Variants in MEIKIN observed in about 807,000 individuals in gnomAD.
The protein encoded by MEIKIN is meiosis-specific kinetochore protein.
intron 8 of MEIKIN, among the ~76,000 whole-genome samples, chr5:131,905,842 G>C (rs921684995): frequency 6.6e-6 from 1 of 152,016 alleles, no homozygotes; most frequent in Non-Finnish European, 1.5e-5. Context: ...ACTGAAACTG[G>C]AGATCCCTTC....
At position 131,914,203 on chromosome 5, in the gene MEIKIN, T is replaced by A. The variant is rs575727994; in HGVS notation, c.639-2324A>T. Among the ~76,000 whole-genome samples the A allele has an allele frequency of 1.8e-4, 28 of 151,920 alleles. No individual in the cohort carries two copies. In the South Asian group the frequency reaches 5.6e-3, roughly 30 times the overall value. ...CTAACTGCAGCCTTGGCCTTAGAATTCTTAGCCTCCATAACTGTAAGAAAT... is the reference window on the plus strand; with the variant it reads ...CTAACTGCAGCCTTGGCCTTAGAATACTTAGCCTCCATAACTGTAAGAAAT... On this transcript the variant is annotated intron_variant, in intron 7 of 12. Transcript: ENST00000442687.
At chr5:131,852,380 C>T (rs544147185) in intron 10 of MEIKIN, among the ~76,000 whole-genome samples, 3 of 152,152 alleles carry the variant, frequency 2.0e-5, no homozygotes, top group Admixed American at 6.5e-5. Flanking sequence ...GCCTCCCCAG[C>T]CATGCGGAAC....
intron 10 of MEIKIN, 77 bp from the exon 11 acceptor site, chr5:131,851,460 T>C (rs1184523381): frequency 5.1e-6 from 2 of 392,826 alleles, no homozygotes; most frequent in Admixed American, 4.4e-5. Context: ...TAAAGAAAAG[T>C]TGAAAAATAC....
intron 6 of MEIKIN, among the ~76,000 whole-genome samples, chr5:131,920,926 T>G (rs1751493488): frequency 6.6e-6 from 1 of 151,904 alleles, no homozygotes; most frequent in African/African-American, 2.4e-5. Context: ...GGTCTCAAAC[T>G]CCTCGCCTCA....
At chr5:131,846,801 T>A (rs982794509) in intron 11 of MEIKIN, among the ~76,000 whole-genome samples, 2 of 152,120 alleles carry the variant, frequency 1.3e-5, no homozygotes, top group Admixed American at 6.5e-5. Context: ...GCCTGGGCAA[T>A]AGAATGAGTT....
chr5:131,824,501 CAGAG>C (rs1186077280), intron 11 of MEIKIN, among the ~76,000 whole-genome samples: 2 of 151,922 alleles, frequency 1.3e-5, no homozygotes, highest in Non-Finnish European at 2.9e-5. Flanking sequence ...GCCTAAGTAA[CAGAG>C]AGAGACATCC....
intron 9 of MEIKIN, among the ~76,000 whole-genome samples, chr5:131,868,890 A>G (rs553974011): frequency 6.6e-6 from 1 of 152,140 alleles, no homozygotes; most frequent in African/African-American, 2.4e-5. Context: ...CTTTTATCAG[A>G]TATGTCTTTT....
chr5:131,883,123 C>T (rs1050027434), intron 8 of MEIKIN, among the ~76,000 whole-genome samples: 2 of 152,166 alleles, frequency 1.3e-5, no homozygotes. Flanking sequence ...GTAACTAAAA[C>T]AGTTTATGCC....
intron 8 of MEIKIN, among the ~76,000 whole-genome samples, chr5:131,893,565 T>G (rs1750977736): frequency 6.6e-6 from 1 of 152,194 alleles, no homozygotes; most frequent in African/African-American, 2.4e-5. Context: ...TCGCCCTGCT[T>G]CAGCTCACGC....
chr5:131,866,393 C>T (rs752418143), intron 9 of MEIKIN, among the ~76,000 whole-genome samples: 2 of 152,302 alleles, frequency 1.3e-5, no homozygotes, highest in Admixed American at 6.5e-5. Context: ...CTTTAGGCCC[C>T]CTCATGGTGT....
intron 8 of MEIKIN, among the ~76,000 whole-genome samples, chr5:131,895,619 G>C (rs1353969422): frequency 1.3e-5 from 2 of 152,110 alleles, no homozygotes; most frequent in African/African-American, 2.4e-5. Context: ...AGTCTTGGGA[G>C]GGTGTATGTG....
intron 9 of MEIKIN, among the ~76,000 whole-genome samples, chr5:131,861,320 T>C (rs965566508): frequency 6.6e-5 from 10 of 151,134 alleles, no homozygotes; most frequent in African/African-American, 2.2e-4. Context: ...ACCCGGGAGG[T>C]GGAGGTTGCA....
chr5:131,895,233 G>A (rs1751016199), intron 8 of MEIKIN, among the ~76,000 whole-genome samples: 1 of 152,184 alleles, frequency 6.6e-6, no homozygotes, highest in African/African-American at 2.4e-5. Flanking sequence ...TTTCAGGGAT[G>A]AAGCCCACTG....
chr5:131,848,597 T>C (rs1193607000), intron 11 of MEIKIN, among the ~76,000 whole-genome samples: 2 of 152,126 alleles, frequency 1.3e-5, no homozygotes, highest in African/African-American at 2.4e-5. Flanking sequence ...CTACCAAACA[T>C]TTAAAGAACT....
intron 8 of MEIKIN, among the ~76,000 whole-genome samples, chr5:131,905,246 T>G (rs1361315652): frequency 6.6e-6 from 1 of 152,046 alleles, no homozygotes; most frequent in Non-Finnish European, 1.5e-5. Context: ...TTTTTGAAAC[T>G]AATGAGGAAG....
chr5:131,861,714 A>G (rs1222448810), intron 9 of MEIKIN, among the ~76,000 whole-genome samples: 2 of 152,106 alleles, frequency 1.3e-5, no homozygotes, highest in African/African-American at 4.8e-5. Flanking sequence ...ATAATCATAT[A>G]GTTTTTGTTC....
intron 8 of MEIKIN, among the ~76,000 whole-genome samples, chr5:131,890,483 G>C (rs1390071978): frequency 6.6e-6 from 1 of 152,178 alleles, no homozygotes; most frequent in Non-Finnish European, 1.5e-5. Flanking sequence ...ATTTCTTCTA[G>C]ATTTTCTAGT....
chr5:131,938,458 G>A (rs1320120484), intron 4 of MEIKIN, among the ~76,000 whole-genome samples: 1 of 152,096 alleles, frequency 6.6e-6, no homozygotes, highest in Non-Finnish European at 1.5e-5. Flanking sequence ...GTGAGCCACC[G>A]TGCCTGGCCA....
At chr5:131,844,280 T>C (rs367573410) in intron 11 of MEIKIN, among the ~76,000 whole-genome samples, 83 of 152,190 alleles carry the variant, frequency 5.5e-4, no homozygotes, top group African/African-American at 1.8e-3. Flanking sequence ...AGACTTACCC[T>C]TTCACCTAAA....
Sources: allele counts gnomAD v4.1 joint callset (sites outside exome capture counted in the v4.1 genomes callset), GRCh38; gene constraint gnomAD v4.1.1; transcripts MANE v1.5; gene names NCBI Gene and HGNC (gene_info 2026-07-23, HGNC 2026-07-21).